Variants in UGT3A1 observed in about 807,000 individuals in gnomAD.
UGT3A1 encodes UDP-glycosyltransferase 3A1.
In UGT3A1, 40 loss-of-function variants were observed where a neutral mutation model predicts 37.6. That is an observed-to-expected ratio of 1.06 (90% confidence interval 0.83 to 1.38). UGT3A1 has a LOEUF of 1.38. UGT3A1 is among the 40% of genes most tolerant of loss of function. The pLI is 0.00. For missense variants in UGT3A1, 642 were observed against 634.2 expected, an observed-to-expected ratio of 1.01 and a Z score of -0.13; for synonymous variants, 256 against 232.3, an observed-to-expected ratio of 1.10 and a Z score of -0.93.
intron 2 of UGT3A1, among the ~76,000 whole-genome samples, chr5:35,987,905 G>T (rs944306594): frequency 5.9e-5 from 9 of 152,270 alleles, no homozygotes; most frequent in Non-Finnish European, 1.2e-4. Context: ...TGGAGGAAAT[G>T]AATCAATTAA....
chr5:35,972,316 G>T (rs1740075807), intron 2 of UGT3A1, among the ~76,000 whole-genome samples: 1 of 152,028 alleles, frequency 6.6e-6, no homozygotes, highest in African/African-American at 2.4e-5. Context: ...TAACCAATCA[G>T]TTGAGAGGTT....
At position 35,952,427 on chromosome 5, in the gene UGT3A1, T is replaced by C. The variant is rs994737974; in HGVS notation, c.*1775A>G. 1 of 152,184 alleles carries C rather than the reference T, an allele frequency of 6.6e-6. No homozygotes were observed. Among genetic ancestry groups the C allele is most frequent in the Non-Finnish European group, 1.5e-5 (1 of 68,034 alleles). 9.4% of individuals were successfully genotyped at this position (152,184 alleles called of 1,614,324 possible). A position where few individuals can be genotyped will look rare whatever the true frequency, so the allele number is the denominator to read the frequency against. The stretch of plus-strand genomic sequence containing the variant: ...TGTCAGAGCCATGCTTGCAGCCCTG[T>C]GGAGGGTGCTTGGACAGAGCAAGAT... On this transcript the variant is annotated 3_prime_UTR_variant, in exon 7 of 7. Coordinates refer to ENST00000274278, the MANE Select transcript of UGT3A1 (RefSeq NM_152404.4).
At chr5:35,981,102 A>C (rs1168458556) in intron 2 of UGT3A1, among the ~76,000 whole-genome samples, 1 of 152,224 alleles carries the variant, frequency 6.6e-6, no homozygotes, top group African/African-American at 2.4e-5. Flanking sequence ...CCCAAAAACA[A>C]TGAAGACCTG....
chr5:35,958,210 A>ATTT (rs1739434861), intron 4 of UGT3A1, among the ~76,000 whole-genome samples: 1 of 152,298 alleles, frequency 6.6e-6, no homozygotes, highest in South Asian at 2.1e-4. Context: ...TTTTTGACAT[A>ATTT]TAGTCTATTT....
chr5:35,955,531 T>G, intron 6 of UGT3A1, 114 bp downstream of exon 6: 1 of 1,203,598 alleles, frequency 8.3e-7, no homozygotes, highest in Non-Finnish European at 1.2e-6. Context: ...CACACACATG[T>G]TATTCCATGT....
upstream of UGT3A1, among the ~76,000 whole-genome samples, chr5:35,992,998 A>C (rs377012970): frequency 6.6e-5 from 10 of 152,268 alleles, no homozygotes; most frequent in South Asian, 1.0e-3. Context: ...GTGAGCTCTT[A>C]AAATTTCACC....
In UGT3A1 at chr5:35,957,328, A is replaced by T; in HGVS notation, c.935T>A (p.Val312Asp). 6.2e-7 allele frequency: 1 copy of T among 1,614,164 alleles called. No homozygotes were observed. Among genetic ancestry groups the T allele is most frequent in the East Asian group, 2.2e-5 (1 of 44,870 alleles). The change falls in exon 5 of 7, where the codon GTC (valine) becomes GAC (aspartate). Residue 312 changes from valine (V) to aspartate (D), a missense_variant. Physicochemically the swap from Val to Asp is radical, Grantham distance 152. Transcript: ENST00000274278. The stretch of plus-strand genomic sequence containing the variant: ...AAAGGCATTGTGCATCTTCTTGAGG[A>T]CTTCCTGGGACTGATGGGTGTTCAA... ...SMLNTHQSQE[V>D]LKKMHNAFAH...
chr5:35,988,537 G>A lies in UGT3A1; in HGVS notation c.109C>T (p.Leu37=). The change falls in exon 2 of 7, where the codon CTA becomes TTA. Residue 37 remains leucine (L), a synonymous_variant. Coordinates refer to ENST00000274278, the MANE Select transcript of UGT3A1 (RefSeq NM_152404.4). ...ATCTGAGACACCCGGTCCAACAGTA[G>A]GTAATGGCTTCCACCTAGAAACAAT... is the stretch of plus-strand genomic sequence containing the variant. ...TISTLGGSHY[L]LLDRVSQILQ... is the part of the protein sequence containing the mutation. 1.2e-6 allele frequency: 2 copies of A among 1,612,314 alleles called. No individual in the cohort carries two copies. Among genetic ancestry groups the A allele is most frequent in the Non-Finnish European group, 1.7e-6 (2 of 1,179,156 alleles).
At chr5:35,955,344 C>A in intron 6 of UGT3A1, 1 of 555,244 alleles carries the variant, frequency 1.8e-6, no homozygotes, top group Non-Finnish European at 3.2e-6. Flanking sequence ...ACAAAGAAAC[C>A]CCCCGCTTCA....
At position 35,972,591 on chromosome 5, in the gene UGT3A1, C is replaced by G. The variant is rs575188338; in HGVS notation, c.197-4458G>C. 2.6e-5 allele frequency among the ~76,000 whole-genome samples: 4 copies of G among 151,070 alleles called. No individual in the cohort carries two copies. The East Asian group carries it at 7.8e-4, about 29-fold the overall frequency. On this transcript the variant is annotated intron_variant, in intron 2 of 6. Coordinates refer to ENST00000274278, the MANE Select transcript of UGT3A1 (RefSeq NM_152404.4). ...ATTCTGGTTTCCTAGGATTGGTTCT[C>G]TATTATGAGAACAAAGTGATTCAAA... is the stretch of plus-strand genomic sequence containing the variant.
chr5:35,967,631 G>T (rs1158306924), intron 3 of UGT3A1, among the ~76,000 whole-genome samples: 1 of 152,212 alleles, frequency 6.6e-6, no homozygotes, highest in Non-Finnish European at 1.5e-5. Context: ...ACAAACAAAA[G>T]AGTTGAAGAT....
At chr5:35,974,543 C>T (rs1346451148) in intron 2 of UGT3A1, among the ~76,000 whole-genome samples, 6 of 152,150 alleles carry the variant, frequency 3.9e-5, no homozygotes, top group Non-Finnish European at 7.4e-5. Context: ...CATCACATCC[C>T]TATTCAACTT....
chr5:35,957,401 C>T lies in UGT3A1; in HGVS notation c.862G>A (p.Ala288Thr), dbSNP rs937997457. The change falls in exon 5 of 7, where the codon GCC becomes ACC. Residue 288 changes from alanine (A) to threonine (T), a missense_variant. Physicochemically the swap from Ala to Thr is moderately conservative, Grantham distance 58. Transcript: ENST00000274278. Reference protein sequence around the residue: ...PVPQDLDNFIANFGDAGFVLV... With the variant: ...PVPQDLDNFITNFGDAGFVLV... ...ACAAACCCTGCATCCCCAAAGTTGG[C>T]AATGAAGTTGTCCAAGTCCTAGAGA... 2.5e-6 allele frequency: 4 copies of T among 1,613,876 alleles called. No individual in the cohort carries two copies. The highest frequency in any genetic ancestry group is 1.7e-5 in the Admixed American group (1 of 59,990).
rs1270791283 is a variant in UGT3A1, at chr5:35,968,107, G to C, written c.223C>G (p.Gln75Glu). The change falls in exon 3 of 7, where the codon CAA becomes GAA. Residue 75 changes from glutamine to glutamate, a missense_variant. Transcript: ENST00000274278. ...TCAGGTGAAAACCACCTGATAACTT[G>C]GTATGATTTTTCCTCCTCTTTAATA... ...PDIKEEEKSY[Q>E]VIRWFSPEDH... The C allele has an allele frequency of 9.9e-6, 16 of 1,611,914 alleles. No individual in the cohort carries two copies. The highest frequency in any genetic ancestry group is 3.3e-5 in the Admixed American group (2 of 59,808).
At chr5:35,979,440 A>G (rs948193859) in intron 2 of UGT3A1, among the ~76,000 whole-genome samples, 31 of 152,286 alleles carry the variant, frequency 2.0e-4, no homozygotes, top group African/African-American at 7.5e-4. Context: ...CCTCAAGTTC[A>G]AAGTTCCACA....
intron 2 of UGT3A1, among the ~76,000 whole-genome samples, chr5:35,987,168 G>A (rs542630172): frequency 6.6e-6 from 1 of 152,108 alleles, no homozygotes. Context: ...GAAACATGTA[G>A]TTAACAAATG....
intron 2 of UGT3A1, among the ~76,000 whole-genome samples, chr5:35,984,966 T>C (rs1740670040): frequency 6.6e-6 from 1 of 151,606 alleles, no homozygotes; most frequent in East Asian, 1.9e-4. Context: ...AAGTTCTAGA[T>C]TGGGAAAGAA....
At chr5:35,967,399 A>G (rs1323117871) in intron 3 of UGT3A1, among the ~76,000 whole-genome samples, 2 of 152,202 alleles carry the variant, frequency 1.3e-5, no homozygotes, top group Non-Finnish European at 2.9e-5. Flanking sequence ...CTCCTCTTTT[A>G]TGTGGCAGAT....
rs112232630 is a variant in UGT3A1 at position 35,967,860 on chromosome 5, C to T, written c.311+159G>A. Reference sequence around the variant, plus strand: ...CCCCTCATTTATCCAACTGTCCATCCATCTATCCATTCATCCACTCACACA... The same window carrying T: ...CCCCTCATTTATCCAACTGTCCATCTATCTATCCATTCATCCACTCACACA... On this transcript the variant is annotated intron_variant, in intron 3 of 6. Transcript: ENST00000274278. 4.1e-3 allele frequency among the ~76,000 whole-genome samples: 632 copies of T among 152,296 alleles called. 9 individuals are homozygous for T. The highest frequency in any genetic ancestry group is 6.1e-3 in the Non-Finnish European group (414 of 68,016).
Sources: gnomAD v4.1 joint callset for allele counts (sites outside exome capture counted in the v4.1 genomes callset) on GRCh38, gnomAD v4.1.1 for gene constraint, MANE v1.5 for transcripts, NCBI Gene and HGNC (gene_info 2026-07-23, HGNC 2026-07-21) for gene names.